CDH12: variants seen among roughly 807,000 people sequenced by gnomAD.
CDH12 encodes the protein cadherin 12.
CDH12 carries 41 observed loss-of-function variants against 74.1 expected under a neutral mutation model. The observed-to-expected ratio is 0.55, with a 90% CI of 0.43 to 0.72. CDH12 has a LOEUF of 0.72. CDH12 is among the 30% of genes least tolerant of loss of function. The probability of loss-of-function intolerance (pLI) is 0.00; values close to 1 mark genes in which losing one functional copy is unlikely to be tolerated. For missense variants in CDH12, 945 were observed against 977.2 expected (o/e 0.97, Z 0.44); for synonymous variants, 399 against 355.0 (o/e 1.12, Z -1.39).
intron 6 of CDH12, chr5:21,883,946 C>T: frequency 1.2e-6 from 2 of 1,607,282 alleles, no homozygotes; most frequent in South Asian, 1.1e-5. Context: ...CAGCCTTGGA[C>T]TCATTGACTC....
At chr5:22,547,850 T>C (rs1738400831) in intron 1 of CDH12, among the ~76,000 whole-genome samples, 1 of 152,148 alleles carries the variant, frequency 6.6e-6, no homozygotes, top group South Asian at 2.1e-4. Flanking sequence ...TATTGAATGA[T>C]GCAGTAATGG....
At chr5:22,084,474 A>G (rs1742937177) in intron 4 of CDH12, among the ~76,000 whole-genome samples, 1 of 152,220 alleles carries the variant, frequency 6.6e-6, no homozygotes, top group African/African-American at 2.4e-5. Context: ...GTTAAGTAGC[A>G]TTTGAACTGT....
intron 3 of CDH12, among the ~76,000 whole-genome samples, chr5:22,388,122 G>A (rs1166741924): frequency 6.6e-6 from 1 of 152,032 alleles, no homozygotes; most frequent in Non-Finnish European, 1.5e-5. Flanking sequence ...AAAACATCGT[G>A]AAACTAGGCA....
chr5:22,839,014 A>C (rs1736967121), intron 1 of CDH12, among the ~76,000 whole-genome samples: 1 of 152,148 alleles, frequency 6.6e-6, no homozygotes, highest in African/African-American at 2.4e-5. Context: ...CAAATTTGTC[A>C]CTTAAGATAA....
chr5:22,833,806 T>C (rs1316699385), intron 1 of CDH12, among the ~76,000 whole-genome samples: 1 of 152,192 alleles, frequency 6.6e-6, no homozygotes, highest in Non-Finnish European at 1.5e-5. Flanking sequence ...AATTTCATCA[T>C]CTGTCTTGGA....
intron 6 of CDH12, among the ~76,000 whole-genome samples, chr5:21,954,797 G>T (rs1756022679): frequency 6.6e-6 from 1 of 151,974 alleles, no homozygotes; most frequent in Non-Finnish European, 1.5e-5. Context: ...TGAATTGAGG[G>T]TTGTCTTGTC....
rs147186605 is a variant in CDH12, at chr5:21,831,687, T to C, written c.814+10474A>G. The stretch of plus-strand genomic sequence containing the variant: ...CTAAGTTGGCTAAGTTCTGTTTCTG[T>C]ATCCATGTACTTGCCCTGATTCTCG... On this transcript the variant is annotated intron_variant, in intron 8 of 14. Transcript: ENST00000382254. Among the ~76,000 whole-genome samples the C allele has an allele frequency of 3.9e-3, 586 of 152,052 alleles. 4 individuals are homozygous for C. Among genetic ancestry groups the C allele is most frequent in the African/African-American group, 0.014 (570 of 41,502 alleles).
intron 1 of CDH12, among the ~76,000 whole-genome samples, chr5:22,718,047 C>A (rs1375394108): frequency 3.3e-5 from 5 of 152,140 alleles, no homozygotes; most frequent in Admixed American, 2.6e-4. Context: ...GTGCCTCATG[C>A]ATTTTAAGAA....
intron 4 of CDH12, among the ~76,000 whole-genome samples, chr5:22,199,364 G>A (rs369881288): frequency 6.6e-6 from 1 of 152,184 alleles, no homozygotes; most frequent in Non-Finnish European, 1.5e-5. Context: ...CAGGAGAGGC[G>A]TGAGGGTGGG....
chr5:22,471,291 TG>T (rs1745948299), intron 2 of CDH12, among the ~76,000 whole-genome samples: 1 of 152,322 alleles, frequency 6.6e-6, no homozygotes, highest in African/African-American at 2.4e-5. Context: ...TATGCATTTC[TG>T]CACCTTGCTT....
At chr5:22,173,992 A>G (rs1749194947) in intron 4 of CDH12, among the ~76,000 whole-genome samples, 1 of 151,972 alleles carries the variant, frequency 6.6e-6, no homozygotes. Flanking sequence ...AATTACTAGT[A>G]TTCTGTGAAA....
chr5:22,246,807 A>G (rs1355477901), intron 3 of CDH12, among the ~76,000 whole-genome samples: 1 of 152,160 alleles, frequency 6.6e-6, no homozygotes, highest in African/African-American at 2.4e-5. Context: ...AGTTACTTTT[A>G]TCTAGTTGTT....
At position 22,199,525 on chromosome 5, in the gene CDH12, C is replaced by T. The variant is rs571989545; in HGVS notation, c.-187+12973G>A. 2.6e-4 allele frequency among the ~76,000 whole-genome samples: 40 copies of T among 152,270 alleles called. No individual in the cohort carries two copies. The Middle Eastern group carries it at 0.01, about 39-fold the overall frequency. On this transcript the variant is annotated intron_variant, in intron 4 of 14. Coordinates refer to ENST00000382254, the MANE Select transcript of CDH12 (RefSeq NM_004061.5). The stretch of plus-strand genomic sequence containing the variant: ...TTTTGTGTTAACTGTTTTCATTCCC[C>T]GCTGCTTACCTCTGGGCTGAGTTCC...
chr5:22,498,723 G>A (rs981434864), intron 2 of CDH12, among the ~76,000 whole-genome samples: 2 of 151,562 alleles, frequency 1.3e-5, no homozygotes, highest in African/African-American at 2.4e-5. Flanking sequence ...TAATTGACAC[G>A]TAATAATTGT....
At chr5:22,488,721 C>A (rs539163954) in intron 2 of CDH12, among the ~76,000 whole-genome samples, 1 of 152,126 alleles carries the variant, frequency 6.6e-6, no homozygotes, top group African/African-American at 2.4e-5. Context: ...CACTGAAATT[C>A]TTCAAGCTAG....
At chr5:22,836,213 C>CTCTTTTTTTTTTTT (rs1402972549) in intron 1 of CDH12, among the ~76,000 whole-genome samples, 2 of 37,956 alleles carry the variant, frequency 5.3e-5, no homozygotes, top group Non-Finnish European at 1.1e-4. Flanking sequence ...TTCTTTTTTT[C>CTCTTTTTTTTTTTT]TTTCTTTCTC....
chr5:22,810,922 TGTGTG>T (rs1749104819), intron 1 of CDH12, among the ~76,000 whole-genome samples: 1 of 152,000 alleles, frequency 6.6e-6, no homozygotes, highest in African/African-American at 2.4e-5. Context: ...TGTGTGTGTG[TGTGTG>T]TGTATACACA....
chr5:21,869,043 A>G (rs1487400004), intron 6 of CDH12, among the ~76,000 whole-genome samples: 1 of 152,186 alleles, frequency 6.6e-6, no homozygotes, highest in Non-Finnish European at 1.5e-5. Flanking sequence ...ATGACACATA[A>G]CAGTGATTCC....
chr5:22,749,968 C>T (rs1316147502), intron 1 of CDH12, among the ~76,000 whole-genome samples: 1 of 152,194 alleles, frequency 6.6e-6, no homozygotes, highest in East Asian at 1.9e-4. Flanking sequence ...CTATCAACTT[C>T]TTCCACCTTC....
Sources: allele counts gnomAD v4.1 joint callset (sites outside exome capture counted in the v4.1 genomes callset), GRCh38; gene constraint gnomAD v4.1.1; transcripts MANE v1.5; gene names NCBI Gene and HGNC (gene_info 2026-07-23, HGNC 2026-07-21).